Variants in RIMS2 observed in about 807,000 individuals in gnomAD.
RIMS2 encodes the protein regulating synaptic membrane exocytosis protein 2.
In RIMS2, 59 loss-of-function variants were observed where a neutral mutation model predicts 174.4. That is an observed-to-expected ratio of 0.34 (90% CI 0.27 to 0.42). The LOEUF (loss-of-function observed/expected upper bound fraction) is 0.42, where lower values mean the gene tolerates loss of function less well. RIMS2 is among the 10% of genes least tolerant of loss of function. RIMS2 has a pLI of 1.00. For synonymous variants in RIMS2, 606 were observed against 572.5 expected (o/e 1.06, Z -0.84); for missense variants, 1,620 against 1,666.3 (o/e 0.97, Z 0.48).
chr8:103,784,911 T>C (rs1172152474), intron 3 of RIMS2, among the ~76,000 whole-genome samples: 4 of 136,956 alleles, frequency 2.9e-5, no homozygotes, highest in Non-Finnish European at 6.3e-5. Context: ...GCATGGAATG[T>C]TCTTCCATTT....
exon 2 of RIMS2, chr8:103,697,189 A>G (rs768998207): frequency 1.2e-6 from 2 of 1,613,716 alleles, no homozygotes; most frequent in Admixed American, 1.7e-5. Context: ...AACCTGTGGT[A>G]TCTGCCACAA....
exon 16 of RIMS2, chr8:103,975,442 C>T (rs746467834): frequency 2.0e-5 from 32 of 1,610,676 alleles, no homozygotes; most frequent in East Asian, 4.5e-5. Context: ...ATCAGGGTCT[C>T]CTCATCGAGT....
chr8:103,901,542 T>A (rs1282021053), intron 4 of RIMS2, among the ~76,000 whole-genome samples: 1 of 152,176 alleles, frequency 6.6e-6, no homozygotes, highest in East Asian at 1.9e-4. Flanking sequence ...TATATACATA[T>A]TTAAATTATA....
intron 2 of RIMS2, among the ~76,000 whole-genome samples, chr8:103,706,218 C>T (rs1246511179): frequency 2.6e-5 from 4 of 152,068 alleles, no homozygotes; most frequent in African/African-American, 9.7e-5. Flanking sequence ...AGCTTCATTT[C>T]CCCATTTAGT....
chr8:103,610,171 A>G (rs916604846), intron 1 of RIMS2, among the ~76,000 whole-genome samples: 1 of 151,976 alleles, frequency 6.6e-6, no homozygotes, highest in African/African-American at 2.4e-5. Flanking sequence ...TGGTTTTTGT[A>G]CATTGATTTT....
chr8:104,012,909 A>G (rs1379115478), intron 17 of RIMS2, among the ~76,000 whole-genome samples: 1 of 152,166 alleles, frequency 6.6e-6, no homozygotes, highest in Non-Finnish European at 1.5e-5. Flanking sequence ...CTTGTGGATC[A>G]GGTTTAAATA....
chr8:103,675,274 T>A (rs2096794000), intron 1 of RIMS2, among the ~76,000 whole-genome samples: 4 of 152,154 alleles, frequency 2.6e-5, no homozygotes, highest in Admixed American at 2.6e-4. Flanking sequence ...GGGTCTCAGG[T>A]AGCCACATGG....
At chr8:104,073,900 A>G (rs1215889967) in intron 19 of RIMS2, among the ~76,000 whole-genome samples, 1 of 152,214 alleles carries the variant, frequency 6.6e-6, no homozygotes, top group Non-Finnish European at 1.5e-5. Context: ...TTCATTTTTT[A>G]AAAAGCCCTT....
chr8:104,223,786 A>G (rs1376981460), intron 19 of RIMS2: 2 of 1,596,096 alleles, frequency 1.3e-6, no homozygotes, highest in Non-Finnish European at 1.7e-6. Flanking sequence ...TGGAGGAGGA[A>G]GAAGGAGGTG....
intron 19 of RIMS2, among the ~76,000 whole-genome samples, chr8:104,106,653 A>G (rs899121677): frequency 6.6e-6 from 1 of 152,180 alleles, no homozygotes; most frequent in Non-Finnish European, 1.5e-5. Context: ...ATGAAATTGG[A>G]ATAAATTCTA....
intron 16 of RIMS2, among the ~76,000 whole-genome samples, chr8:103,979,688 G>T (rs906225481): frequency 3.3e-5 from 5 of 152,220 alleles, no homozygotes; most frequent in African/African-American, 1.2e-4. Flanking sequence ...ATTGAGGAGG[G>T]TTGGAGAGAC....
intron 19 of RIMS2, among the ~76,000 whole-genome samples, chr8:104,076,172 C>T (rs2097288208): frequency 6.6e-6 from 1 of 152,144 alleles, no homozygotes. Context: ...GTAATCTTAT[C>T]AAGGCCTGAT....
intron 10 of RIMS2, among the ~76,000 whole-genome samples, chr8:103,926,493 GAT>G (rs2078805505): frequency 6.6e-6 from 1 of 151,518 alleles, no homozygotes; most frequent in Non-Finnish European, 1.5e-5. Context: ...GAGAGAGAAA[GAT>G]GACTCATGAC....
chr8:103,836,296 ACCCCAC>A (rs2098889780), intron 3 of RIMS2, among the ~76,000 whole-genome samples: 2 of 152,060 alleles, frequency 1.3e-5, no homozygotes, highest in South Asian at 4.2e-4. Context: ...GGTGTTTGTA[ACCCCAC>A]CCCTTTGGGA....
At chr8:103,732,958 A>C (rs762487351) in intron 2 of RIMS2, among the ~76,000 whole-genome samples, 1 of 152,108 alleles carries the variant, frequency 6.6e-6, no homozygotes, top group Non-Finnish European at 1.5e-5. Context: ...CCTGCAAGAC[A>C]AAGTCCTTTT....
chr8:103,960,966 G>T, intron 14 of RIMS2, 99 bp from the exon 17 acceptor site: 1 of 738,676 alleles, frequency 1.4e-6, no homozygotes, highest in Non-Finnish European at 2.4e-6. Flanking sequence ...GTTATTAACT[G>T]ATTCACTCAG....
chr8:103,951,798 G>C (rs2085444713), intron 14 of RIMS2, among the ~76,000 whole-genome samples: 1 of 152,198 alleles, frequency 6.6e-6, no homozygotes, highest in Non-Finnish European at 1.5e-5. Context: ...GGAGCCAAGT[G>C]GTCTGGCTCA....
intron 17 of RIMS2, among the ~76,000 whole-genome samples, chr8:104,005,165 C>A (rs1214265364): frequency 6.6e-6 from 1 of 152,104 alleles, no homozygotes; most frequent in African/African-American, 2.4e-5. Flanking sequence ...TCTAGCACTA[C>A]CATAGTCAAT....
chr8:103,885,173 T>C, intron 3 of RIMS2, 125 bp from the exon 7 acceptor site: 2 of 1,362,624 alleles, frequency 1.5e-6, no homozygotes, highest in Non-Finnish European at 1.9e-6. Context: ...CGCTATGCCT[T>C]TAAAATGAAA....
Sources: allele counts gnomAD v4.1 joint callset (sites outside exome capture counted in the v4.1 genomes callset), GRCh38; gene constraint gnomAD v4.1.1; transcripts MANE v1.5; gene names NCBI Gene and HGNC (gene_info 2026-07-23, HGNC 2026-07-21).